SUPV3L1: variants seen among roughly 807,000 people sequenced by gnomAD.
The protein encoded by SUPV3L1 is ATP-dependent RNA helicase SUPV3L1, mitochondrial.
SUPV3L1 carries 35 observed loss-of-function variants against 70.0 expected under a neutral mutation model. The ratio of observed to expected loss-of-function variants is 0.50; its 90% CI spans 0.38 to 0.66. The LOEUF is 0.66. SUPV3L1 is among the 30% of genes least tolerant of loss of function. The pLI is 0.00. For synonymous variants in SUPV3L1, 364 were observed against 341.9 expected, an observed-to-expected ratio of 1.06 and a Z score of -0.71; for missense variants, 777 against 961.5, an observed-to-expected ratio of 0.81 and a Z score of 2.54.
chr10:69,182,554 G>C, intron 1 of SUPV3L1: 1 of 985,250 alleles, frequency 1.0e-6, no homozygotes. Flanking sequence ...AAATGTCTTT[G>C]CTGCTTCCTG....
intron 11 of SUPV3L1, 128 bp downstream of exon 11, chr10:69,200,627 A>ATTCCC: frequency 1.3e-6 from 1 of 761,762 alleles, no homozygotes. Flanking sequence ...ATTTTGTGCC[A>ATTCCC]TGAAAACTGC....
intron 10 of SUPV3L1, 43 bp downstream of exon 10, chr10:69,199,240 A>C (rs1262659574): frequency 6.8e-7 from 1 of 1,475,228 alleles, no homozygotes; most frequent in South Asian, 1.2e-5. Context: ...TGGTGAGTTA[A>C]ATGGTGGTTT....
chr10:69,185,922 C>G, intron 1 of SUPV3L1, 65 bp from the exon 2 acceptor site: 2 of 1,243,446 alleles, frequency 1.6e-6, no homozygotes, highest in South Asian at 2.5e-5. Context: ...CTTCAAGTTT[C>G]TTTTGCTTTT....
intron 7 of SUPV3L1, among the ~76,000 whole-genome samples, chr10:69,196,460 C>T (rs1487401990): frequency 6.6e-6 from 1 of 151,564 alleles, no homozygotes; most frequent in Non-Finnish European, 1.5e-5. Context: ...GAGGTCATGC[C>T]ACTGCACTCC....
chr10:69,187,341 C>CTCTTT (rs1842258091), intron 3 of SUPV3L1: 1 of 80,996 alleles, frequency 1.2e-5, no homozygotes, highest in East Asian at 4.7e-4. Flanking sequence ...TCTTTTCTTC[C>CTCTTT]TTTTTTTTTT....
chr10:69,195,372 T>C, intron 7 of SUPV3L1, 107 bp downstream of exon 7: 6 of 651,652 alleles, frequency 9.2e-6, no homozygotes, highest in Non-Finnish European at 1.4e-5. Flanking sequence ...AGAACCTTTC[T>C]TTTTGACACA....
Position 69,200,507 on chromosome 10 carries a change from G to T in SUPV3L1, c.1518+8G>T. 1 of 1,605,506 alleles carries T rather than the reference G, an allele frequency of 6.2e-7. No individual in the cohort carries two copies. The highest frequency in any genetic ancestry group is 8.5e-7 in the Non-Finnish European group (1 of 1,172,794). Reference sequence around the variant, plus strand: ...CCTGTGGATCCTATAAGGGTAAGAGGTAACATGTTAACTACTGCTTCTCTG... The same window carrying T: ...CCTGTGGATCCTATAAGGGTAAGAGTTAACATGTTAACTACTGCTTCTCTG... On this transcript the variant is annotated splice_region_variant and intron_variant, in intron 11 of 14. Coordinates refer to ENST00000359655, the MANE Select transcript of SUPV3L1 (RefSeq NM_003171.5).
chr10:69,184,616 TAC>T (rs59328806), intron 1 of SUPV3L1, among the ~76,000 whole-genome samples: 12,778 of 146,082 alleles, frequency 0.087, 867 homozygotes, highest in East Asian at 0.24. Flanking sequence ...GAAATATAAA[TAC>T]ACACACACAC....
At chr10:69,187,341 CTTTTTTTTTTTT>C (rs71471529) in intron 3 of SUPV3L1, 5 of 80,996 alleles carry the variant, frequency 6.2e-5, no homozygotes, top group South Asian at 1.2e-3. Flanking sequence ...TCTTTTCTTC[CTTTTTTTTTTTT>C]TTTTTTTTTT....
Position 69,208,603 on chromosome 10 carries a change from C to T in SUPV3L1, c.1929C>T (p.Tyr643=). The change falls in exon 15 of 15, where the codon TAC becomes TAT. Residue 643 remains tyrosine, a synonymous_variant. Transcript: ENST00000359655. ...DVLDLYLWLS[Y]RFMDMFPDAS... is the part of the protein sequence containing the mutation. Reference sequence around the variant, plus strand: ...TGCTAATGTGTCTTTTTCCCAGCTACCGATTTATGGATATGTTTCCAGATG... The same window carrying T: ...TGCTAATGTGTCTTTTTCCCAGCTATCGATTTATGGATATGTTTCCAGATG... 1 of 1,609,206 alleles carries T rather than the reference C, an allele frequency of 6.2e-7. No homozygotes were observed. The highest frequency in any genetic ancestry group is 8.5e-7 in the Non-Finnish European group (1 of 1,176,462).
chr10:69,197,117 A>G (rs751346234), intron 8 of SUPV3L1, 34 bp downstream of exon 8: 1 of 1,591,574 alleles, frequency 6.3e-7, no homozygotes, highest in Non-Finnish European at 8.6e-7. Flanking sequence ...TCCAGGTGGC[A>G]TATCAAATAG....
Position 69,186,186 on chromosome 10 carries a change from G to A in SUPV3L1, c.349+122G>A, listed in dbSNP as rs534760124. ...GTCTGGAGACACGTCCCTGCTCTTT[G>A]CTTCTGGCTGAGTGGGAGACTGGCG... On this transcript the variant is annotated intron_variant, in intron 2 of 14. Coordinates refer to ENST00000359655, the MANE Select transcript of SUPV3L1 (RefSeq NM_003171.5). 21 of 921,906 alleles carry A rather than the reference G, an allele frequency of 2.3e-5. No individual in the cohort carries two copies. The East Asian group carries it at 4.6e-4, about 20-fold the overall frequency. The allele number at this position is 921,906 out of a possible 1,614,324, so 57.1% of individuals were successfully genotyped here. A position where few individuals can be genotyped will look rare whatever the true frequency, so the allele number is the denominator to read the frequency against.
Position 69,198,519 on chromosome 10 carries a change from G to A in SUPV3L1, c.1171G>A (p.Glu391Lys). The change falls in exon 9 of 15, where the codon GAA (glutamate) becomes AAA (lysine). Residue 391 changes from glutamate to lysine, a missense_variant. Coordinates refer to ENST00000359655, the MANE Select transcript of SUPV3L1 (RefSeq NM_003171.5). Reference protein sequence around the residue: ...VSRQIEIRGLESAVIYGSLPP... With the variant: ...VSRQIEIRGLKSAVIYGSLPP... ...TCGGCAGATTGAAATTCGGGGATTA[G>A]AATCAGCTGTTATATATGGCAGTCT... The A allele has an allele frequency of 6.2e-7, 1 of 1,614,052 alleles. No individual in the cohort carries two copies. The highest frequency in any genetic ancestry group is 8.5e-7 in the Non-Finnish European group (1 of 1,179,986).
intron 13 of SUPV3L1, among the ~76,000 whole-genome samples, chr10:69,206,724 G>A (rs538774787): frequency 2.3e-4 from 35 of 152,142 alleles, no homozygotes; most frequent in African/African-American, 7.9e-4. Context: ...AATAAGGGAG[G>A]ACAGCCAGGT....
chr10:69,200,544 C>A (rs1185149843), intron 11 of SUPV3L1, 45 bp downstream of exon 11: 1 of 1,482,890 alleles, frequency 6.7e-7, no homozygotes, highest in South Asian at 1.2e-5. Context: ...GGAGGAGAGT[C>A]ATTCTTTCCC....
chr10:69,208,680 G>A lies in SUPV3L1; in HGVS notation c.2006G>A (p.Gly669Asp), dbSNP rs370048763. 78 of 1,614,064 alleles carry A rather than the reference G, an allele frequency of 4.8e-5. No homozygotes were observed. Among genetic ancestry groups the A allele is most frequent in the Non-Finnish European group, 6.2e-5 (73 of 1,180,046 alleles). ...QKELDGIIQD[G>D]VHNITKLIKM... ...GAACTAGATGGTATTATCCAAGATG[G>A]TGTGCACAATATCACTAAATTGATT... Residue 669 changes from glycine (G) to aspartate (D), a missense_variant, in exon 15 of 15, where the codon GGT becomes GAT. Gly to Asp is a moderately conservative substitution (Grantham distance 94). This residue lies in a region of SUPV3L1 where 619 missense variants were observed against 823.3 expected (regional missense o/e 0.75). Transcript: ENST00000359655.
At chr10:69,196,505 A>G (rs758358277) in intron 7 of SUPV3L1, among the ~76,000 whole-genome samples, 1 of 143,812 alleles carries the variant, frequency 7.0e-6, no homozygotes, top group African/African-American at 2.5e-5. Context: ...TGTCTCATGG[A>G]AAAAAAAAAA....
intron 1 of SUPV3L1, 57 bp from the exon 2 acceptor site, chr10:69,185,930 T>C: frequency 7.2e-7 from 1 of 1,395,846 alleles, no homozygotes; most frequent in Admixed American, 1.8e-5. Context: ...TTCTTTTGCT[T>C]TTTTTCAGCA....
chr10:69,197,175 G>T, intron 8 of SUPV3L1, 92 bp downstream of exon 8: 1 of 980,334 alleles, frequency 1.0e-6, no homozygotes, highest in Non-Finnish European at 1.6e-6. Flanking sequence ...TAATGCCAGC[G>T]TCAGAACTTA....
Sources: gnomAD v4.1 joint callset for allele counts (sites outside exome capture counted in the v4.1 genomes callset) on GRCh38, gnomAD v4.1.1 for gene constraint, gnomAD v4.1.1 regional missense constraint, MANE v1.5 for transcripts, NCBI Gene and HGNC (gene_info 2026-07-23, HGNC 2026-07-21) for gene names.